Variants in TSC2 observed in about 807,000 individuals in gnomAD.
The protein encoded by TSC2 is TSC complex subunit 2, also known as tuberin.
A neutral mutation model predicts 202.2 loss-of-function variants in TSC2; 29 were observed. The ratio of observed to expected loss-of-function variants is 0.14; its 90% confidence interval spans 0.11 to 0.20. The LOEUF (loss-of-function observed/expected upper bound fraction) is 0.20, where lower values mean the gene tolerates loss of function less well. TSC2 is among the 10% of genes least tolerant of loss of function. TSC2 has a pLI of 1.00. For synonymous variants in TSC2, 1,349 were observed against 1,044.0 expected, an observed-to-expected ratio of 1.29 and a Z score of -5.63; for missense variants, 2,429 against 2,420.0, an observed-to-expected ratio of 1.00 and a Z score of -0.08.
chr16:2,072,028 C>A (rs963704457), intron 19 of TSC2, 94 bp downstream of exon 19: 1 of 1,486,218 alleles, frequency 6.7e-7, no homozygotes, highest in Non-Finnish European at 8.9e-7. Context: ...CCTGTCTGGC[C>A]TGTGGAGGGC....
At position 2,087,843 on chromosome 16, in the gene TSC2, CCT is replaced by C; in HGVS notation, c.4990-19_4990-18del. 6.2e-7 allele frequency: 1 copy of C among 1,612,010 alleles called. No individual in the cohort carries two copies. Among genetic ancestry groups the C allele is most frequent in the South Asian group, 1.1e-5 (1 of 90,952 alleles). The stretch of plus-strand genomic sequence containing the variant: ...AGCACACGCTGTGTGCGGGGATGAC[CCT>C]TTCTCTTGTCCGGGCAGGGCCAGTT... On this transcript the variant is annotated intron_variant, in intron 38 of 41. Coordinates refer to ENST00000219476, the MANE Select transcript of TSC2 (RefSeq NM_000548.5).
rs1361987578 is a variant in TSC2, at chr16:2,065,426, A to G, written c.1600-93A>G. On this transcript the variant is annotated intron_variant, in intron 15 of 41. Coordinates refer to ENST00000219476, the MANE Select transcript of TSC2 (RefSeq NM_000548.5). ...AGACTCGATCTCAAAAAAAAAAAAA[A>G]AAAAAAAAAAGGTGTTTGTGGTAGA... is the stretch of plus-strand genomic sequence containing the variant. 5 of 739,624 alleles carry G rather than the reference A, an allele frequency of 6.8e-6. No homozygotes were observed. In the African/African-American group the frequency reaches 1.0e-4, roughly 15 times the overall value. The allele number at this position is 739,624 out of a possible 1,614,324, so 45.8% of individuals were successfully genotyped here. A position where few individuals can be genotyped will look rare whatever the true frequency, so the allele number is the denominator to read the frequency against.
rs78956195 is a variant in TSC2 at position 2,079,376 on chromosome 16, C to T, written c.3232C>T (p.Arg1078Trp). 8.7e-6 allele frequency: 14 copies of T among 1,612,778 alleles called. No homozygotes were observed. Among genetic ancestry groups the T allele is most frequent in the Admixed American group, 5.0e-5 (3 of 60,008 alleles). ...TVTTSVGTGTRSLLGLDSGEL... is the reference protein window; with the variant it reads ...TVTTSVGTGTWSLLGLDSGEL... ...GACGACAAGCGTGGGAACCGGGACC[C>T]GGTCGTTACTAGGCCTGGACTCGGG... Residue 1078 changes from arginine (R) to tryptophan (W), a missense_variant, in exon 28 of 42, where the codon CGG becomes TGG. Coordinates refer to ENST00000219476, the MANE Select transcript of TSC2 (RefSeq NM_000548.5). This position sits in a 1 kb window ranked among gnomAD's most constrained non-coding sequence, Gnocchi z 4.6.
rs2151624592 is a variant in TSC2, at chr16:2,088,156, C to A, written c.5160+17C>A. On this transcript the variant is annotated intron_variant, in intron 40 of 41. Coordinates refer to ENST00000219476, the MANE Select transcript of TSC2 (RefSeq NM_000548.5). ...CACGCAAATGTGAGTGGGGGTGGGT[C>A]CAGGCGTGAGCTGGTGGGACAGGCC... 6.2e-7 allele frequency: 1 copy of A among 1,613,008 alleles called. No homozygotes were observed. Among genetic ancestry groups the A allele is most frequent in the Non-Finnish European group, 8.5e-7 (1 of 1,180,010 alleles).
chr16:2,079,976 G>C lies in TSC2; in HGVS notation c.3398-189G>C, dbSNP rs890803115. On this transcript the variant is annotated intron_variant, in intron 29 of 41. Coordinates refer to ENST00000219476, the MANE Select transcript of TSC2 (RefSeq NM_000548.5). This position sits in a 1 kb window ranked among gnomAD's most constrained non-coding sequence, Gnocchi z 4.6. ...TGGTCTGACTGCAGGACAGGTTCTGGGTCCCTCCCTGTGGCCCTGGGTTCA... is the reference window on the plus strand; with the variant it reads ...TGGTCTGACTGCAGGACAGGTTCTGCGTCCCTCCCTGTGGCCCTGGGTTCA... Among the ~76,000 whole-genome samples the C allele has an allele frequency of 2.0e-5, 3 of 152,236 alleles. No homozygotes were observed. Among genetic ancestry groups the C allele is most frequent in the Non-Finnish European group, 4.4e-5 (3 of 68,044 alleles).
intron 7 of TSC2, 41 bp from the exon 8 acceptor site, chr16:2,056,603 G>C (rs1328529873): frequency 3.7e-6 from 6 of 1,602,584 alleles, no homozygotes; most frequent in Non-Finnish European, 2.5e-6. Context: ...GTGGGGAGGA[G>C]CTGGGGTAGG....
At chr16:2,061,779 G>A (rs2086665969) in intron 11 of TSC2, 92 bp from the exon 12 acceptor site, 10 of 1,604,906 alleles carry the variant, frequency 6.2e-6, no homozygotes, top group Middle Eastern at 1.7e-4. Context: ...GGCTGAGGGT[G>A]TCTCCATGCG....
intron 37 of TSC2, 119 bp downstream of exon 37, chr16:2,086,498 C>G: frequency 5.5e-6 from 8 of 1,464,280 alleles, no homozygotes; most frequent in Non-Finnish European, 7.4e-6. Flanking sequence ...TCCAGCTCCC[C>G]ACGCCTCAGG....
intron 3 of TSC2, among the ~76,000 whole-genome samples, chr16:2,053,014 G>A (rs947077736): frequency 1.3e-5 from 2 of 152,162 alleles, no homozygotes; most frequent in Admixed American, 1.3e-4. Flanking sequence ...CCAGCATTCC[G>A]GCAGCTCTAG....
At chr16:2,086,606 G>A in intron 37 of TSC2, 126 bp from the exon 38 acceptor site, 1 of 1,482,934 alleles carries the variant, frequency 6.7e-7, no homozygotes, top group Non-Finnish European at 9.1e-7. Context: ...CCACTGGCCA[G>A]GCACCAGAGG....
At chr16:2,057,623 G>A (rs939961341) in intron 9 of TSC2, among the ~76,000 whole-genome samples, 5 of 152,052 alleles carry the variant, frequency 3.3e-5, no homozygotes, top group Non-Finnish European at 7.4e-5. Context: ...ATCCATCCGC[G>A]CCTCCTGAAG....
At chr16:2,055,277 C>G (rs945599685) in intron 5 of TSC2, 125 bp from the exon 6 acceptor site, 20 of 811,912 alleles carry the variant, frequency 2.5e-5, no homozygotes, top group Non-Finnish European at 3.4e-5. Context: ...CTGTTGCTGC[C>G]GGGGGACTGA....
intron 26 of TSC2, chr16:2,078,656 C>G (rs1046634724): frequency 2.8e-6 from 1 of 359,258 alleles, no homozygotes; most frequent in Admixed American, 4.1e-5. Context: ...GTGTGCTTGC[C>G]GGAGGCAGCC....
chr16:2,086,552 G>A (rs1052269899), intron 37 of TSC2, among the ~76,000 whole-genome samples, 173 bp downstream of exon 37: 2 of 152,178 alleles, frequency 1.3e-5, no homozygotes, highest in Non-Finnish European at 2.9e-5. Flanking sequence ...GATGGGGCTG[G>A]TGGCTTTGCG....
At chr16:2,069,908 T>C (rs2087998271) in intron 16 of TSC2, among the ~76,000 whole-genome samples, 1 of 152,226 alleles carries the variant, frequency 6.6e-6, no homozygotes, top group African/African-American at 2.4e-5. Flanking sequence ...CCACCACACC[T>C]GGCCTCAGTC....
chr16:2,073,115 C>G, intron 21 of TSC2, 132 bp downstream of exon 21: 1 of 1,434,324 alleles, frequency 7.0e-7, no homozygotes, highest in Non-Finnish European at 9.5e-7. Context: ...CTCTGCTTCC[C>G]TGGGTGGCTG....
chr16:2,061,254 G>A (rs1018822406), intron 11 of TSC2: 6 of 304,490 alleles, frequency 2.0e-5, no homozygotes, highest in South Asian at 9.2e-5. Context: ...CTGGGGAGGC[G>A]AGGCTAGTAT....
rs528306772 is a variant in TSC2, at chr16:2,079,749, C to T, written c.3397+80C>T. 345 of 1,443,408 alleles carry T rather than the reference C, an allele frequency of 2.4e-4. 1 individual carries two copies. Among genetic ancestry groups the T allele is most frequent in the South Asian group, 3.2e-4 (25 of 77,734 alleles). The allele number at this position is 1,443,408 out of a possible 1,614,324, so 89.4% of individuals were successfully genotyped here. On this transcript the variant is annotated intron_variant, in intron 29 of 41. Transcript: ENST00000219476. The surrounding 1 kb of genome is among the most constrained non-coding windows in gnomAD (Gnocchi z 4.6). ...GCTGGTCCCAGTGTTCAGGAAGGCCCCGAGCCCAGGGGCCGGGGTGGCTGG... is the reference window on the plus strand; with the variant it reads ...GCTGGTCCCAGTGTTCAGGAAGGCCTCGAGCCCAGGGGCCGGGGTGGCTGG...
rs1057523736 is a variant in TSC2, at chr16:2,071,506, A to C, written c.1840-4A>C. 1 of 1,613,452 alleles carries C rather than the reference A, an allele frequency of 6.2e-7. No homozygotes were observed. The highest frequency in any genetic ancestry group is 8.5e-7 in the Non-Finnish European group (1 of 1,179,956). On this transcript the variant is annotated splice_polypyrimidine_tract_variant and splice_region_variant and intron_variant, in intron 17 of 41. Coordinates refer to ENST00000219476, the MANE Select transcript of TSC2 (RefSeq NM_000548.5). Reference sequence around the variant, plus strand: ...TCTGGCTTTCACCATCCTCTTCCTGACAGGCCTTTGACTTCCTGTTGCTGC... The same window carrying C: ...TCTGGCTTTCACCATCCTCTTCCTGCCAGGCCTTTGACTTCCTGTTGCTGC...
Sources: allele counts gnomAD v4.1 joint callset (sites outside exome capture counted in the v4.1 genomes callset), GRCh38; gene constraint gnomAD v4.1.1; non-coding constraint Gnocchi (gnomAD v3.1); transcripts MANE v1.5; gene names NCBI Gene and HGNC (gene_info 2026-07-23, HGNC 2026-07-21).